Variants in PMFBP1 observed in about 807,000 individuals in gnomAD.
The protein encoded by PMFBP1 is polyamine modulated factor 1 binding protein 1, also known as polyamine-modulated factor 1-binding protein 1.
In PMFBP1, 131 loss-of-function variants were observed where a neutral mutation model predicts 137.8. The ratio of observed to expected loss-of-function variants is 0.95; its 90% confidence interval spans 0.82 to 1.10. The LOEUF is 1.10. PMFBP1 is among the 50% of genes least tolerant of loss of function. The pLI, the probability that PMFBP1 is intolerant of heterozygous loss-of-function variation, is 0.00. For synonymous variants in PMFBP1, 490 were observed against 450.4 expected (o/e 1.09, Z -1.11); for missense variants, 1,199 against 1,175.4 (o/e 1.02, Z -0.29).
the PMFBP1 span, among the ~76,000 whole-genome samples, chr16:72,238,002 A>G: frequency 3.3e-5 from 5 of 152,202 alleles, no homozygotes; most frequent in African/African-American, 9.7e-5. Context: ...GCTGCATAGT[A>G]TTCTATGGTG....
At chr16:72,155,290 C>G (rs2042964961) in intron 3 of PMFBP1, among the ~76,000 whole-genome samples, 1 of 152,132 alleles carries the variant, frequency 6.6e-6, no homozygotes. Flanking sequence ...AGCCTCTGGG[C>G]AGTCCTTAGC....
intron 3 of PMFBP1, among the ~76,000 whole-genome samples, chr16:72,161,450 T>C (rs750845241): frequency 1.3e-5 from 2 of 152,148 alleles, no homozygotes; most frequent in African/African-American, 4.8e-5. Flanking sequence ...TACTTCCTTG[T>C]ACTAGCAGAG....
chr16:72,219,899 C>T, the PMFBP1 span, among the ~76,000 whole-genome samples: 2 of 152,194 alleles, frequency 1.3e-5, no homozygotes, highest in Non-Finnish European at 2.9e-5. Context: ...TGTTAGGGTT[C>T]ATGGCCTAGA....
chr16:72,149,389 A>C (rs2042864933), intron 5 of PMFBP1, among the ~76,000 whole-genome samples: 1 of 152,250 alleles, frequency 6.6e-6, no homozygotes, highest in African/African-American at 2.4e-5. Context: ...CCTTTGACCC[A>C]GCAATCACAC....
At chr16:72,234,574 A>G in the PMFBP1 span, among the ~76,000 whole-genome samples, 7 of 152,158 alleles carry the variant, frequency 4.6e-5, no homozygotes, top group Admixed American at 3.3e-4. Context: ...CCCTCTTACG[A>G]ATAATTATAT....
At chr16:72,195,983 G>A in the PMFBP1 span, among the ~76,000 whole-genome samples, 13 of 1,112 alleles carry the variant, frequency 0.012, no homozygotes, top group East Asian at 0.12. Flanking sequence ...CTTACAGAAT[G>A]TGTGTGTGTG....
chr16:72,229,869 AAC>A, the PMFBP1 span, among the ~76,000 whole-genome samples: 1 of 152,156 alleles, frequency 6.6e-6, no homozygotes, highest in Non-Finnish European at 1.5e-5. Context: ...ATTTGAGATA[AAC>A]AGAGCTAAAC....
the PMFBP1 span, among the ~76,000 whole-genome samples, chr16:72,213,298 G>A: frequency 1.4e-4 from 22 of 152,116 alleles, no homozygotes; most frequent in Non-Finnish European, 2.4e-4. Flanking sequence ...CTCCTCTTGA[G>A]CTGGACTTAG....
At position 72,167,293 on chromosome 16, in the gene PMFBP1, C is replaced by T. The variant is rs2043159292; in HGVS notation, c.13-2377G>A. On this transcript the variant is annotated intron_variant, in intron 2 of 20. Transcript: ENST00000237353. ...TCTTCATTTCCATTTAGTACCTGGA[C>T]TTTTTTTTTTAACCACTTTACAGTT... Among the ~76,000 whole-genome samples, 4 of 149,166 alleles carry T rather than the reference C, an allele frequency of 2.7e-5. No homozygotes were observed. The Admixed American group carries it at 2.7e-4, about 10-fold the overall frequency.
chr16:72,230,178 G>C, the PMFBP1 span, among the ~76,000 whole-genome samples: 1 of 152,104 alleles, frequency 6.6e-6, no homozygotes, highest in Non-Finnish European at 1.5e-5. Flanking sequence ...CTAGGCACTA[G>C]GATAATAGAG....
At chr16:72,134,359 T>G (rs1300602429) in intron 9 of PMFBP1, among the ~76,000 whole-genome samples, 1 of 152,110 alleles carries the variant, frequency 6.6e-6, no homozygotes, top group Non-Finnish European at 1.5e-5. Flanking sequence ...GTTTAAACAT[T>G]TTTTTGCAGA....
intron 2 of PMFBP1, among the ~76,000 whole-genome samples, chr16:72,170,925 G>A (rs148606243): frequency 2.5e-3 from 383 of 152,250 alleles, no homozygotes; most frequent in Admixed American, 5.2e-3. Context: ...TAAGGCAAAG[G>A]AAACTTAGAG....
chr16:72,223,207 T>C, the PMFBP1 span, among the ~76,000 whole-genome samples: 1 of 152,170 alleles, frequency 6.6e-6, no homozygotes, highest in East Asian at 1.9e-4. Context: ...GAGGAGTATG[T>C]CACAGCACCG....
chr16:72,221,115 T>G, the PMFBP1 span, among the ~76,000 whole-genome samples: 1 of 152,110 alleles, frequency 6.6e-6, no homozygotes, highest in Non-Finnish European at 1.5e-5. Flanking sequence ...AAGCAAAGAC[T>G]GAGGCATGAA....
chr16:72,204,517 TC>T, the PMFBP1 span, among the ~76,000 whole-genome samples: 1 of 152,078 alleles, frequency 6.6e-6, no homozygotes, highest in Non-Finnish European at 1.5e-5. Context: ...TGCACATTTA[TC>T]CCCTGAACCA....
chr16:72,214,128 T>G, the PMFBP1 span, among the ~76,000 whole-genome samples: 1 of 152,164 alleles, frequency 6.6e-6, no homozygotes, highest in East Asian at 1.9e-4. Context: ...TGAAAGTGGT[T>G]GCCCTTGCAG....
the PMFBP1 span, among the ~76,000 whole-genome samples, chr16:72,185,307 A>G: frequency 2.0e-5 from 3 of 152,112 alleles, no homozygotes; most frequent in Non-Finnish European, 4.4e-5. Flanking sequence ...TACAGGCATG[A>G]GCCACCGTGC....
intron 2 of PMFBP1, among the ~76,000 whole-genome samples, chr16:72,167,079 AT>A (rs1467148975): frequency 6.6e-6 from 1 of 152,202 alleles, no homozygotes; most frequent in Non-Finnish European, 1.5e-5. Flanking sequence ...CATAACACAC[AT>A]TCCCAGAGGA....
chr16:72,234,912 C>T, the PMFBP1 span, among the ~76,000 whole-genome samples: 4,560 of 152,138 alleles, frequency 0.03, 233 homozygotes, highest in African/African-American at 0.1. Flanking sequence ...ATTGTTGAGT[C>T]GTAATAGTTC....
Sources: allele counts gnomAD v4.1 joint callset (sites outside exome capture counted in the v4.1 genomes callset), GRCh38; gene constraint gnomAD v4.1.1; transcripts MANE v1.5; gene names NCBI Gene and HGNC (gene_info 2026-07-23, HGNC 2026-07-21).